Variants in NLGN1 observed in about 807,000 individuals in gnomAD.
The protein encoded by NLGN1 is neuroligin 1.
In NLGN1, 12 loss-of-function variants were observed where a neutral mutation model predicts 65.5. The observed-to-expected ratio is 0.18, with a 90% CI of 0.12 to 0.30. The LOEUF is 0.30. NLGN1 is among the 10% of genes least tolerant of loss of function. The pLI is 1.00. For missense variants in NLGN1, 750 were observed against 1,007.1 expected, an observed-to-expected ratio of 0.74 and a Z score of 3.46; for synonymous variants, 350 against 359.5, an observed-to-expected ratio of 0.97 and a Z score of 0.30.
chr3:174,191,623 A>C (rs183661758), intron 4 of NLGN1, among the ~76,000 whole-genome samples: 109 of 152,304 alleles, frequency 7.2e-4, no homozygotes, highest in Middle Eastern at 3.4e-3. Context: ...TTGTGTGAAC[A>C]GGCCACCACA....
At chr3:173,511,706 A>G (rs73883157) in intron 2 of NLGN1, among the ~76,000 whole-genome samples, 1,745 of 150,190 alleles carry the variant, frequency 0.012, 27 homozygotes, top group African/African-American at 0.041. Flanking sequence ...GGAAGTTTTT[A>G]TTGTCATATC....
intron 4 of NLGN1, among the ~76,000 whole-genome samples, chr3:173,903,013 C>T (rs1428318481): frequency 1.3e-5 from 2 of 152,108 alleles, no homozygotes; most frequent in African/African-American, 2.4e-5. Context: ...TACCACCCAA[C>T]TTAGCTTTGG....
chr3:173,822,940 A>C (rs1203487146), intron 4 of NLGN1, among the ~76,000 whole-genome samples: 1 of 151,976 alleles, frequency 6.6e-6, no homozygotes, highest in African/African-American at 2.4e-5. Context: ...AGTTTTTAAA[A>C]ACCTGCTATT....
At chr3:174,195,870 C>T (rs115618794) in intron 4 of NLGN1, among the ~76,000 whole-genome samples, 2,083 of 152,184 alleles carry the variant, frequency 0.014, 55 homozygotes, top group African/African-American at 0.048. Flanking sequence ...ATTGGGCAAC[C>T]ATTTACATGG....
intron 4 of NLGN1, among the ~76,000 whole-genome samples, chr3:174,173,772 T>C (rs1337240318): frequency 6.6e-6 from 1 of 151,970 alleles, no homozygotes; most frequent in Non-Finnish European, 1.5e-5. Context: ...TAATTAGCAC[T>C]CTTTCCAAAG....
chr3:173,682,588 CAAAAAAAAA>C, intron 3 of NLGN1, among the ~76,000 whole-genome samples: 1 of 41,402 alleles, frequency 2.4e-5, no homozygotes, highest in Non-Finnish European at 4.2e-5. Flanking sequence ...GACACTGTCT[CAAAAAAAAA>C]AAAAAAAAAA....
Position 173,815,534 on chromosome 3 carries a change from C to T in NLGN1, c.646+7702C>T, listed in dbSNP as rs376127038. On this transcript the variant is annotated intron_variant, in intron 4 of 6. Coordinates refer to ENST00000457714, the Ensembl canonical transcript of NLGN1. ...CTTCCTAGCACAGGACACAGTTAACCATTCCTTTTTTGGCCTGCTTGTTTC... is the reference window on the plus strand; with the variant it reads ...CTTCCTAGCACAGGACACAGTTAACTATTCCTTTTTTGGCCTGCTTGTTTC... Among the ~76,000 whole-genome samples the T allele has an allele frequency of 8.1e-4, 124 of 152,202 alleles. 3 individuals are homozygous for T. The South Asian group carries it at 0.024, about 29-fold the overall frequency.
At chr3:173,901,746 G>T (rs751055688) in intron 4 of NLGN1, among the ~76,000 whole-genome samples, 1 of 151,844 alleles carries the variant, frequency 6.6e-6, no homozygotes, top group Non-Finnish European at 1.5e-5. Flanking sequence ...TTTCTTTTTC[G>T]AGAACAGGCC....
intron 3 of NLGN1, among the ~76,000 whole-genome samples, chr3:173,630,306 TA>T (rs1196231504): frequency 1.3e-5 from 2 of 152,178 alleles, no homozygotes; most frequent in African/African-American, 4.8e-5. Context: ...TAATGAATGT[TA>T]AGTTCTAGAA....
intron 4 of NLGN1, among the ~76,000 whole-genome samples, chr3:173,909,515 A>G (rs1340125103): frequency 2.6e-5 from 4 of 152,290 alleles, no homozygotes; most frequent in African/African-American, 4.8e-5. Context: ...CACTTGTTCA[A>G]TTTCCACTAT....
chr3:173,705,794 C>T (rs111579537), intron 3 of NLGN1, among the ~76,000 whole-genome samples: 2 of 151,550 alleles, frequency 1.3e-5, no homozygotes, highest in Non-Finnish European at 2.9e-5. Context: ...TTTACATTTG[C>T]TTATGCTGCT....
chr3:174,211,521 T>G, intron 4 of NLGN1, among the ~76,000 whole-genome samples: 1 of 150,958 alleles, frequency 6.6e-6, no homozygotes. Context: ...TTACAAACCT[T>G]GAGCTAGATA....
chr3:173,524,232 A>G (rs776563125), intron 2 of NLGN1, among the ~76,000 whole-genome samples: 1 of 151,662 alleles, frequency 6.6e-6, no homozygotes, highest in African/African-American at 2.4e-5. Flanking sequence ...GGCCTCATAT[A>G]ATTTCTTTCA....
intron 2 of NLGN1, among the ~76,000 whole-genome samples, chr3:173,544,823 C>T (rs2149244054): frequency 6.6e-6 from 1 of 151,940 alleles, no homozygotes; most frequent in South Asian, 2.1e-4. Context: ...ACTAAGGAAC[C>T]TCAACATTAA....
chr3:174,290,532 A>G (rs1390360284), downstream of NLGN1, among the ~76,000 whole-genome samples: 1 of 151,162 alleles, frequency 6.6e-6, no homozygotes, highest in Non-Finnish European at 1.5e-5. Context: ...TATTAACAAG[A>G]CATAAAACAG....
Position 174,047,661 on chromosome 3 carries a change from C to G in NLGN1, c.647-227654C>G, listed in dbSNP as rs185193639. Among the ~76,000 whole-genome samples the G allele has an allele frequency of 5.3e-4, 80 of 151,898 alleles. No homozygotes were observed. The Middle Eastern group carries it at 0.017, about 32-fold the overall frequency. On this transcript the variant is annotated intron_variant, in intron 4 of 6. Coordinates refer to ENST00000457714, the Ensembl canonical transcript of NLGN1. ...CTACATACAGATACACATAGTAATACGTGTTAAGTAAATATAAAAAACAGC... is the reference window on the plus strand; with the variant it reads ...CTACATACAGATACACATAGTAATAGGTGTTAAGTAAATATAAAAAACAGC...
intron 3 of NLGN1, among the ~76,000 whole-genome samples, chr3:173,748,568 GA>G (rs1171497237): frequency 8.5e-5 from 13 of 152,214 alleles, no homozygotes; most frequent in African/African-American, 3.1e-4. Context: ...ATGAATGCAA[GA>G]AATTGGCCTC....
At chr3:173,872,629 T>C (rs1318881264) in intron 4 of NLGN1, among the ~76,000 whole-genome samples, 1 of 152,128 alleles carries the variant, frequency 6.6e-6, no homozygotes, top group African/African-American at 2.4e-5. Context: ...CATCACAGGA[T>C]TTTTTAGTGT....
intron 4 of NLGN1, among the ~76,000 whole-genome samples, chr3:174,179,051 T>A (rs1412495154): frequency 6.6e-6 from 1 of 152,116 alleles, no homozygotes; most frequent in Non-Finnish European, 1.5e-5. Flanking sequence ...GAAATTATGA[T>A]AATCATATTG....
Sources: allele counts gnomAD v4.1 joint callset (sites outside exome capture counted in the v4.1 genomes callset), GRCh38; gene constraint gnomAD v4.1.1; transcripts MANE v1.5; gene names NCBI Gene and HGNC (gene_info 2026-07-23, HGNC 2026-07-21).